The following PDE4C variants were observed in gnomAD, a reference collection of about 807,000 sequenced individuals.
PDE4C encodes the protein 3',5'-cyclic-AMP phosphodiesterase 4C.
In PDE4C, 50 loss-of-function variants were observed where a neutral mutation model predicts 63.9. The observed-to-expected ratio is 0.78, with a 90% confidence interval of 0.62 to 0.99. The LOEUF is 0.99. Among genes scored for constraint, PDE4C ranks in the 50% least tolerant of loss-of-function variants. PDE4C has a pLI of 0.00. For missense variants in PDE4C, 777 were observed against 899.1 expected (o/e 0.86, Z 1.74); for synonymous variants, 377 against 385.1 (o/e 0.98, Z 0.25).
chr19:18,225,694 G>A (rs936345682), intron 1 of PDE4C: 3 of 153,012 alleles, frequency 2.0e-5, no homozygotes, highest in African/African-American at 7.2e-5. Context: ...GTGCTTAGAG[G>A]ATGCAGCGCA....
chr19:18,249,098 G>A (rs1969192017), upstream of PDE4C, among the ~76,000 whole-genome samples: 1 of 151,358 alleles, frequency 6.6e-6, no homozygotes, highest in Non-Finnish European at 1.5e-5. Context: ...CTGCACTACT[G>A]CACTCCAGCC....
the PDE4C span, among the ~76,000 whole-genome samples, chr19:18,253,563 A>AAAC: frequency 0.08 from 11,372 of 141,626 alleles, 1,599 homozygotes; most frequent in African/African-American, 0.28. Context: ...AAAAAAAAAA[A>AAAC]ACACACACAC....
At chr19:18,247,352 G>A (rs1283373853) in intron 1 of PDE4C, among the ~76,000 whole-genome samples, 2 of 152,074 alleles carry the variant, frequency 1.3e-5, no homozygotes, top group East Asian at 1.9e-4. Flanking sequence ...CTGGAGTGCA[G>A]TGGCGTGATC....
At position 18,241,400 on chromosome 19, in the gene PDE4C, G is replaced by A. The variant is rs151122934; in HGVS notation, c.-210+6771C>T. Among the ~76,000 whole-genome samples, 68 of 150,994 alleles carry A rather than the reference G, an allele frequency of 4.5e-4. 1 individual carries two copies. In the East Asian group the frequency reaches 8.8e-3, roughly 20 times the overall value. On this transcript the variant is annotated intron_variant, in intron 1 of 15. Coordinates refer to the PDE4C transcript ENST00000594617. The stretch of plus-strand genomic sequence containing the variant: ...TCCGGCCTCAGCTTCCCAAGTAGCC[G>A]GGATTACAGGCACCCGCCACCATGC...
chr19:18,245,918 A>G (rs559414599), intron 1 of PDE4C, among the ~76,000 whole-genome samples: 1 of 152,026 alleles, frequency 6.6e-6, no homozygotes, highest in South Asian at 2.1e-4. Context: ...ATCTCAGCTC[A>G]CTACAAACTT....
upstream of PDE4C, among the ~76,000 whole-genome samples, chr19:18,249,028 TA>T (rs35271467): frequency 2.5e-3 from 345 of 136,284 alleles, no homozygotes; most frequent in African/African-American, 4.4e-3. Flanking sequence ...TCCATCTTAT[TA>T]AAAAAAAAAA....
chr19:18,241,832 G>A (rs1016116615), intron 1 of PDE4C, among the ~76,000 whole-genome samples: 1 of 152,204 alleles, frequency 6.6e-6, no homozygotes, highest in African/African-American at 2.4e-5. Flanking sequence ...TTCCAGGCTT[G>A]AGCCATGGCG....
In PDE4C at chr19:18,220,215, A is replaced by G; in HGVS notation, c.706+11T>C. 1 of 1,609,926 alleles carries G rather than the reference A, an allele frequency of 6.2e-7. No homozygotes were observed. Among genetic ancestry groups the G allele is most frequent in the Non-Finnish European group, 8.5e-7 (1 of 1,176,338 alleles). ...AAAATGTCGTCCAGGCAGTGACTCA[A>G]CAAAGCTCACCCAGGAAGGTCCGGG... On this transcript the variant is annotated intron_variant, in intron 7 of 14. Coordinates refer to ENST00000262805, the Ensembl canonical transcript of PDE4C. The surrounding 1 kb of genome is among the most constrained non-coding windows in gnomAD (Gnocchi z 5.1).
At chr19:18,244,192 C>G (rs1969090257) in intron 1 of PDE4C, among the ~76,000 whole-genome samples, 1 of 152,004 alleles carries the variant, frequency 6.6e-6, no homozygotes, top group South Asian at 2.1e-4. Context: ...GATTAATTGC[C>G]CTCTTCATTA....
chr19:18,211,774 T>C (rs1407381279), exon 14 of PDE4C: 2 of 1,614,220 alleles, frequency 1.2e-6, no homozygotes, highest in Non-Finnish European at 1.7e-6. Flanking sequence ...ACTTCTCCAC[T>C]GAGGCCGTAT....
At chr19:18,252,492 C>T (rs575682534), upstream of PDE4C, 9 of 387,024 alleles carry the variant, frequency 2.3e-5, no homozygotes, top group African/African-American at 1.3e-4. Flanking sequence ...AAACTGGGCG[C>T]GGTGGCTCAC....
intron 7 of PDE4C, 153 bp from the exon 8 acceptor site, chr19:18,219,550 G>T (rs908453996): frequency 4.9e-6 from 4 of 820,668 alleles, no homozygotes; most frequent in Non-Finnish European, 7.4e-6. Context: ...TCGGCCGGAC[G>T]CAGTGGCTCA....
chr19:18,219,417 A>C lies in PDE4C; in HGVS notation c.707-20T>G. 6.4e-7 allele frequency: 1 copy of C among 1,558,832 alleles called. No homozygotes were observed. The highest frequency in any genetic ancestry group is 8.7e-7 in the Non-Finnish European group (1 of 1,153,444). On this transcript the variant is annotated intron_variant, in intron 7 of 14. Transcript: ENST00000262805. ...GCTGGTCTGCGGATGGGCCAGGGTG[A>C]AGCTCAGAGAAGCCGATTTCACCTG...
At chr19:18,226,072 G>T (rs558597352) in intron 1 of PDE4C, among the ~76,000 whole-genome samples, 198 bp downstream of exon 1, 98 of 152,346 alleles carry the variant, frequency 6.4e-4, no homozygotes, top group South Asian at 1.9e-3. Context: ...GAGAGACAGA[G>T]TCACCAACTG....
chr19:18,240,425 C>A (rs369199762), intron 1 of PDE4C, among the ~76,000 whole-genome samples: 640 of 114,164 alleles, frequency 5.6e-3, no homozygotes, highest in Middle Eastern at 0.01. Flanking sequence ...GAAACTCTGT[C>A]AAAAAAAAAA....
chr19:18,218,605 C>G, intron 9 of PDE4C, 107 bp from the exon 10 acceptor site: 1 of 1,235,480 alleles, frequency 8.1e-7, no homozygotes, highest in Non-Finnish European at 1.2e-6. Context: ...GCACCTGCTC[C>G]TCTGAGATGC....
At chr19:18,253,413 C>T in the PDE4C span, among the ~76,000 whole-genome samples, 1 of 151,942 alleles carries the variant, frequency 6.6e-6, no homozygotes, top group Non-Finnish European at 1.5e-5. Flanking sequence ...ATTAGCCAGG[C>T]ATGGTGGTGC....
intron 1 of PDE4C, among the ~76,000 whole-genome samples, chr19:18,246,430 G>C (rs1969135375): frequency 6.6e-6 from 1 of 151,318 alleles, no homozygotes. Context: ...CGATCCACCT[G>C]CCTCGGCCTC....
intron 8 of PDE4C, 66 bp downstream of exon 8, chr19:18,219,168 G>C: frequency 6.2e-7 from 1 of 1,607,256 alleles, no homozygotes; most frequent in Non-Finnish European, 8.5e-7. Flanking sequence ...AAACAGGCCC[G>C]AGATAGGGCA....
Sources: allele counts gnomAD v4.1 joint callset (sites outside exome capture counted in the v4.1 genomes callset), GRCh38; gene constraint gnomAD v4.1.1; non-coding constraint Gnocchi (gnomAD v3.1); transcripts MANE v1.5; gene names NCBI Gene and HGNC (gene_info 2026-07-23, HGNC 2026-07-21).